The following PTPRK variants were observed in gnomAD, a reference collection of about 807,000 sequenced individuals.
The protein encoded by PTPRK is receptor-type tyrosine-protein phosphatase kappa.
PTPRK carries 75 observed loss-of-function variants against 178.0 expected under a neutral mutation model. That is an observed-to-expected ratio of 0.42 (90% CI 0.35 to 0.51). The LOEUF is 0.51. Among genes scored for constraint, PTPRK ranks in the 20% least tolerant of loss-of-function variants. PTPRK has a pLI of 0.02. For synonymous variants in PTPRK, 637 were observed against 620.6 expected, an observed-to-expected ratio of 1.03 and a Z score of -0.39; for missense variants, 1,441 against 1,797.8, an observed-to-expected ratio of 0.80 and a Z score of 3.59.
At chr6:128,064,878 C>T in intron 12 of PTPRK, 84 bp from the exon 13 acceptor site, 1 of 1,370,732 alleles carries the variant, frequency 7.3e-7, no homozygotes, top group Non-Finnish European at 9.5e-7. Context: ...TATGAAGATC[C>T]ATCTGGGGTC....
chr6:128,404,637 G>C (rs915977313), intron 1 of PTPRK, among the ~76,000 whole-genome samples: 2 of 152,164 alleles, frequency 1.3e-5, no homozygotes, highest in Non-Finnish European at 2.9e-5. Flanking sequence ...AAGCCTCTGA[G>C]ACCTGGGCAG....
chr6:128,097,173 C>T (rs1009422253), intron 7 of PTPRK, among the ~76,000 whole-genome samples: 2 of 152,114 alleles, frequency 1.3e-5, no homozygotes, highest in Non-Finnish European at 2.9e-5. Context: ...GGAATAATCA[C>T]AAGCCAACTG....
chr6:128,235,584 T>C, intron 5 of PTPRK: 1 of 510,638 alleles, frequency 2.0e-6, no homozygotes, highest in South Asian at 1.5e-5. Flanking sequence ...AGTTACCTTC[T>C]GTCAATCACA....
At chr6:128,279,923 A>G (rs1442228591) in intron 3 of PTPRK, among the ~76,000 whole-genome samples, 8 of 152,202 alleles carry the variant, frequency 5.3e-5, no homozygotes, top group East Asian at 1.9e-4. Context: ...GGAAAAGCCT[A>G]TCATCAGGCA....
intron 25 of PTPRK, among the ~76,000 whole-genome samples, chr6:127,979,179 G>A (rs1337841229): frequency 1.3e-5 from 2 of 152,174 alleles, no homozygotes; most frequent in African/African-American, 4.8e-5. Flanking sequence ...GGTAGGCTGA[G>A]GTGGGAGGAC....
chr6:128,466,721 T>C (rs922426669), intron 1 of PTPRK, among the ~76,000 whole-genome samples: 12 of 152,182 alleles, frequency 7.9e-5, no homozygotes, highest in African/African-American at 2.9e-4. Context: ...CTCATTTTAA[T>C]TGAATATACA....
chr6:128,092,132 A>G (rs1787075687), intron 7 of PTPRK, among the ~76,000 whole-genome samples: 1 of 152,222 alleles, frequency 6.6e-6, no homozygotes, highest in Non-Finnish European at 1.5e-5. Flanking sequence ...GCACAATCAT[A>G]ATTTCAGTGA....
At chr6:127,977,158 T>A in intron 25 of PTPRK, 104 bp from the exon 26 acceptor site, 1 of 1,134,024 alleles carries the variant, frequency 8.8e-7, no homozygotes, top group Non-Finnish European at 1.3e-6. Flanking sequence ...TAAGATGCAA[T>A]AGCTTCATAT....
chr6:127,979,915 T>A (rs1381108759), intron 25 of PTPRK, among the ~76,000 whole-genome samples: 1 of 152,212 alleles, frequency 6.6e-6, no homozygotes, highest in Non-Finnish European at 1.5e-5. Context: ...GCCAAAGTCA[T>A]AATTTAAAAC....
At chr6:128,111,706 A>T (rs771139098) in intron 7 of PTPRK, among the ~76,000 whole-genome samples, 1 of 152,002 alleles carries the variant, frequency 6.6e-6, no homozygotes, top group Non-Finnish European at 1.5e-5. Flanking sequence ...TTATCCTTTG[A>T]TATCACTCAG....
At chr6:128,294,705 T>C (rs1823980523) in intron 3 of PTPRK, among the ~76,000 whole-genome samples, 1 of 152,096 alleles carries the variant, frequency 6.6e-6, no homozygotes. Flanking sequence ...GTTTAAGATT[T>C]ACCTAAATTT....
chr6:128,496,343 T>C (rs1011271824), intron 1 of PTPRK, among the ~76,000 whole-genome samples: 1 of 152,122 alleles, frequency 6.6e-6, no homozygotes, highest in African/African-American at 2.4e-5. Context: ...CCCAGTCCAG[T>C]AGTAAAGTAG....
At chr6:128,069,080 A>AAT (rs1782353551) in intron 11 of PTPRK, among the ~76,000 whole-genome samples, 1 of 152,274 alleles carries the variant, frequency 6.6e-6, no homozygotes, top group Admixed American at 6.5e-5. Flanking sequence ...TATGCCTACA[A>AAT]ATAAAAGATC....
chr6:128,133,150 AATTTGAC>A (rs1794510233), intron 7 of PTPRK, among the ~76,000 whole-genome samples: 1 of 152,234 alleles, frequency 6.6e-6, no homozygotes, highest in Non-Finnish European at 1.5e-5. Context: ...AACAAACAGA[AATTTGAC>A]ATTTAATTTA....
In PTPRK at chr6:128,414,222, A is replaced by AT. The variant is rs548979440; in HGVS notation, c.101-16535dup. Among the ~76,000 whole-genome samples, 238 of 152,280 alleles carry AT rather than the reference A, an allele frequency of 1.6e-3. 2 individuals carry two copies. The highest frequency in any genetic ancestry group is 5.6e-3 in the African/African-American group (233 of 41,558). The stretch of plus-strand genomic sequence containing the variant: ...TTTCAGAACCTGAAGGAATGTCAAG[A>AT]TTTTACCTGAATCAGCTCCCTATCT... On this transcript the variant is annotated intron_variant, in intron 1 of 29. Coordinates refer to ENST00000368226, the MANE Select transcript of PTPRK (RefSeq NM_002844.4).
intron 3 of PTPRK, among the ~76,000 whole-genome samples, chr6:128,288,187 C>T (rs1028199939): frequency 6.6e-6 from 1 of 152,292 alleles, no homozygotes; most frequent in African/African-American, 2.4e-5. Context: ...ACTGTATACT[C>T]GTTGGCTGTT....
chr6:128,417,056 A>ATG (rs1584614853), intron 1 of PTPRK, among the ~76,000 whole-genome samples: 1 of 150,392 alleles, frequency 6.6e-6, no homozygotes, highest in East Asian at 1.9e-4. Context: ...ATATAATTTT[A>ATG]TGTGTATATA....
chr6:128,357,539 A>C (rs1207598570), intron 2 of PTPRK, among the ~76,000 whole-genome samples: 2 of 152,338 alleles, frequency 1.3e-5, no homozygotes, highest in East Asian at 3.9e-4. Context: ...CCAGACATCT[A>C]GCTCCACTGT....
intron 8 of PTPRK, 139 bp downstream of exon 8, chr6:128,089,551 C>A: frequency 1.1e-6 from 1 of 939,888 alleles, no homozygotes; most frequent in Non-Finnish European, 1.6e-6. Flanking sequence ...CAATTTTTTT[C>A]CAAAGTTAAT....
Sources: gnomAD v4.1 joint callset for allele counts (sites outside exome capture counted in the v4.1 genomes callset) on GRCh38, gnomAD v4.1.1 for gene constraint, MANE v1.5 for transcripts, NCBI Gene and HGNC (gene_info 2026-07-23, HGNC 2026-07-21) for gene names.